GTF2A1L: variants seen among roughly 807,000 people sequenced by gnomAD.
GTF2A1L encodes general transcription factor IIA subunit 1 like, also known as TFIIA-alpha and beta-like factor.
A neutral mutation model predicts 49.7 loss-of-function variants in GTF2A1L; 48 were observed. That is an observed-to-expected ratio of 0.97 (90% CI 0.77 to 1.23). The LOEUF (loss-of-function observed/expected upper bound fraction) is 1.23, where lower values mean the gene tolerates loss of function less well. GTF2A1L is among the 50% of genes most tolerant of loss of function. The probability of loss-of-function intolerance (pLI) is 0.00; values close to 1 mark genes in which losing one functional copy is unlikely to be tolerated. For synonymous variants in GTF2A1L, 246 were observed against 193.5 expected, an observed-to-expected ratio of 1.27 and a Z score of -2.25; for missense variants, 736 against 564.8, an observed-to-expected ratio of 1.30 and a Z score of -3.07.
chr2:48,674,054 T>C (rs903769680), intron 8 of GTF2A1L, among the ~76,000 whole-genome samples: 1 of 152,212 alleles, frequency 6.6e-6, no homozygotes, highest in Admixed American at 6.5e-5. Flanking sequence ...TTTGCTGCTA[T>C]GAATAATGCC....
chr2:48,624,601 C>A (rs1479911409), intron 3 of GTF2A1L, among the ~76,000 whole-genome samples: 2 of 143,966 alleles, frequency 1.4e-5, no homozygotes, highest in East Asian at 1.9e-4. Flanking sequence ...ATCCCAAGTG[C>A]AGCACAACAT....
intron 8 of GTF2A1L, among the ~76,000 whole-genome samples, chr2:48,676,098 A>G (rs1679454397): frequency 6.6e-6 from 1 of 151,936 alleles, no homozygotes; most frequent in South Asian, 2.1e-4. Flanking sequence ...TCAAATACAA[A>G]TACAAAAGAT....
intron 3 of GTF2A1L, among the ~76,000 whole-genome samples, chr2:48,626,015 C>G (rs1207559773): frequency 1.4e-5 from 2 of 143,974 alleles, no homozygotes; most frequent in Admixed American, 7.0e-5. Flanking sequence ...ATGGTTAGGT[C>G]TTTTGTCTAT....
chr2:48,667,555 C>G (rs1678921986), intron 6 of GTF2A1L, among the ~76,000 whole-genome samples: 1 of 152,114 alleles, frequency 6.6e-6, no homozygotes, highest in African/African-American at 2.4e-5. Context: ...ACAAATTTAT[C>G]TTATTTATGT....
chr2:48,642,357 T>C, intron 3 of GTF2A1L, 45 bp from the exon 4 acceptor site: 1 of 1,477,342 alleles, frequency 6.8e-7, no homozygotes, highest in Non-Finnish European at 9.2e-7. Context: ...TTTTATTAAA[T>C]TGGTAAATTC....
chr2:48,645,491 T>C (rs1170324110), intron 5 of GTF2A1L, among the ~76,000 whole-genome samples: 1 of 152,164 alleles, frequency 6.6e-6, no homozygotes, highest in South Asian at 2.1e-4. Context: ...CTTTGCCCCC[T>C]TTCTTATTAG....
Position 48,646,912 on chromosome 2 carries a change from C to T in GTF2A1L, c.848C>T (p.Pro283Leu). 6.2e-7 allele frequency: 1 copy of T among 1,614,172 alleles called. No homozygotes were observed. Among genetic ancestry groups the T allele is most frequent in the Non-Finnish European group, 8.5e-7 (1 of 1,180,018 alleles). ...NLHDESLSTS[P>L]HGALHQHVTD... ...CATGATGAGTCCCTCTCCACAAGCC[C>T]TCATGGGGCTCTCCACCAGCACGTG... Residue 283 changes from proline to leucine, a missense_variant, in exon 6 of 9, where the codon CCT becomes CTT. Physicochemically the swap from Pro to Leu is moderately conservative, Grantham distance 98. Coordinates refer to ENST00000403751, the MANE Select transcript of GTF2A1L (RefSeq NM_006872.5).
chr2:48,619,451 C>T (rs1022839571), intron 1 of GTF2A1L, among the ~76,000 whole-genome samples: 1 of 142,830 alleles, frequency 7.0e-6, no homozygotes, highest in Non-Finnish European at 1.5e-5. Flanking sequence ...GCCTGGGTGA[C>T]AGAGCAAGAC....
intron 6 of GTF2A1L, among the ~76,000 whole-genome samples, chr2:48,648,006 C>T (rs1407912940): frequency 6.6e-6 from 1 of 152,046 alleles, no homozygotes; most frequent in African/African-American, 2.4e-5. Flanking sequence ...GATAGTTAAG[C>T]ACAACCTTAA....
chr2:48,662,285 A>T (rs1678552639), intron 6 of GTF2A1L, among the ~76,000 whole-genome samples: 1 of 152,248 alleles, frequency 6.6e-6, no homozygotes, highest in African/African-American at 2.4e-5. Flanking sequence ...AATAAAATCA[A>T]TTATAAACTA....
intron 6 of GTF2A1L, among the ~76,000 whole-genome samples, chr2:48,648,232 C>T (rs995461168): frequency 7.9e-5 from 12 of 151,222 alleles, no homozygotes; most frequent in Non-Finnish European, 1.2e-4. Flanking sequence ...GTTTTTTTTA[C>T]GTTTTTTAAC....
At chr2:48,646,253 A>C (rs982325304) in intron 5 of GTF2A1L, among the ~76,000 whole-genome samples, 200 bp from the exon 6 acceptor site, 7 of 152,058 alleles carry the variant, frequency 4.6e-5, no homozygotes, top group African/African-American at 1.4e-4. Flanking sequence ...GTAATTAAAA[A>C]AATAAGAATT....
chr2:48,620,211 G>A (rs921372167), intron 1 of GTF2A1L, among the ~76,000 whole-genome samples: 1 of 152,164 alleles, frequency 6.6e-6, no homozygotes, highest in African/African-American at 2.4e-5. Flanking sequence ...CCTTTTAAAA[G>A]GAGTTGAGGA....
chr2:48,631,104 T>C (rs754822301), intron 3 of GTF2A1L, among the ~76,000 whole-genome samples: 10 of 152,162 alleles, frequency 6.6e-5, no homozygotes, highest in African/African-American at 1.9e-4. Context: ...CTTTTTCAGG[T>C]TTTGGTATAA....
At chr2:48,627,154 T>A (rs185128312) in intron 3 of GTF2A1L, among the ~76,000 whole-genome samples, 2 of 144,008 alleles carry the variant, frequency 1.4e-5, no homozygotes, top group East Asian at 3.9e-4. Flanking sequence ...GTTGTTTTTG[T>A]GAAAGTATAG....
chr2:48,668,413 T>G (rs1678965544), intron 6 of GTF2A1L, among the ~76,000 whole-genome samples: 2 of 152,200 alleles, frequency 1.3e-5, no homozygotes, highest in Non-Finnish European at 2.9e-5. Context: ...CTATAGATTC[T>G]GAAGCATATA....
chr2:48,619,469 CAA>C (rs34874672), intron 1 of GTF2A1L, among the ~76,000 whole-genome samples: 2 of 133,588 alleles, frequency 1.5e-5, no homozygotes, highest in African/African-American at 2.8e-5. Flanking sequence ...GACTCCATCT[CAA>C]AAAAAAAAAA....
chr2:48,671,704 T>A, intron 8 of GTF2A1L, 24 bp downstream of exon 8: 1 of 1,596,678 alleles, frequency 6.3e-7, no homozygotes, highest in Non-Finnish European at 8.5e-7. Context: ...CTTTTGGACT[T>A]TGGGTTTATT....
intron 8 of GTF2A1L, among the ~76,000 whole-genome samples, chr2:48,676,439 T>C (rs2104326289): frequency 6.6e-6 from 1 of 151,962 alleles, no homozygotes; most frequent in South Asian, 2.1e-4. Context: ...ATTTTGCCAT[T>C]GTGAAAGATG....
Sources: allele counts gnomAD v4.1 joint callset (sites outside exome capture counted in the v4.1 genomes callset), GRCh38; gene constraint gnomAD v4.1.1; transcripts MANE v1.5; gene names NCBI Gene and HGNC (gene_info 2026-07-23, HGNC 2026-07-21).